The following TMEM38A variants were observed in gnomAD, a reference collection of about 807,000 sequenced individuals.
TMEM38A encodes the protein transmembrane protein 38A.
Under a neutral mutation model 28.6 loss-of-function variants are expected in TMEM38A, and 17 were observed. The ratio of observed to expected loss-of-function variants is 0.60; its 90% CI spans 0.41 to 0.89. TMEM38A has a LOEUF of 0.89. Among genes scored for constraint, TMEM38A ranks in the 40% least tolerant of loss-of-function variants. TMEM38A has a pLI of 0.00. For synonymous variants in TMEM38A, 169 were observed against 166.1 expected (o/e 1.02, Z -0.14); for missense variants, 328 against 393.1 (o/e 0.83, Z 1.40).
rs558221235 is a variant in TMEM38A, at chr19:16,673,205, C to G, written c.125-6779C>G. On this transcript the variant is annotated intron_variant, in intron 1 of 5. Transcript: ENST00000187762. The stretch of plus-strand genomic sequence containing the variant: ...CAAGCGATTCTCCTACCTCAGCCCC[C>G]TGAGTAGCTGGGATTACAGGCACCT... Among the ~76,000 whole-genome samples the G allele has an allele frequency of 1.6e-3, 250 of 152,284 alleles. 1 individual carries two copies. The highest frequency in any genetic ancestry group is 3.4e-3 in the Middle Eastern group (1 of 294).
chr19:16,678,740 G>T lies in TMEM38A; in HGVS notation c.125-1244G>T, dbSNP rs181102644. On this transcript the variant is annotated intron_variant, in intron 1 of 5. Transcript: ENST00000187762. The stretch of plus-strand genomic sequence containing the variant: ...TGATTGCACCACTGCGCTCCAGGCT[G>T]GGTGATGGGAGTGAAACCCTGTGTC... Among the ~76,000 whole-genome samples the T allele has an allele frequency of 2.7e-5, 4 of 146,300 alleles. No homozygotes were observed. The East Asian group carries it at 7.9e-4, about 29-fold the overall frequency.
At chr19:16,674,787 G>A (rs567157953) in intron 1 of TMEM38A, among the ~76,000 whole-genome samples, 61 of 151,828 alleles carry the variant, frequency 4.0e-4, no homozygotes, top group Non-Finnish European at 6.5e-4. Flanking sequence ...CAACAAGAGC[G>A]AAACACCGTC....
intron 1 of TMEM38A, among the ~76,000 whole-genome samples, chr19:16,678,951 C>T (rs2086765500): frequency 6.6e-6 from 1 of 151,244 alleles, no homozygotes. Context: ...GAGTTGGAGA[C>T]CAGCTTGGCC....
chr19:16,675,546 T>G (rs2086746839), intron 1 of TMEM38A, among the ~76,000 whole-genome samples: 1 of 130,926 alleles, frequency 7.6e-6, no homozygotes, highest in Admixed American at 7.6e-5. Flanking sequence ...TCTTGACTAT[T>G]TTTTTTTTTT....
chr19:16,670,276 GTTTTTTT>G (rs750785005), intron 1 of TMEM38A, among the ~76,000 whole-genome samples: 1 of 114,630 alleles, frequency 8.7e-6, no homozygotes, highest in African/African-American at 3.2e-5. Flanking sequence ...CCTGTTTTTT[GTTTTTTT>G]TTTTTTTTGA....
intron 4 of TMEM38A, among the ~76,000 whole-genome samples, chr19:16,685,416 A>T (rs1161490324): frequency 2.6e-5 from 4 of 152,120 alleles, no homozygotes; most frequent in Admixed American, 2.6e-4. Flanking sequence ...CAGGGGCAAA[A>T]TGTGCATGAG....
intron 1 of TMEM38A, among the ~76,000 whole-genome samples, chr19:16,665,683 C>T (rs915191434): frequency 5.9e-5 from 9 of 152,046 alleles, no homozygotes; most frequent in Admixed American, 5.9e-4. Context: ...AGAATTTTGT[C>T]AGGGATAAGG....
chr19:16,684,391 G>A (rs1240445066), intron 4 of TMEM38A, among the ~76,000 whole-genome samples: 10 of 151,710 alleles, frequency 6.6e-5, no homozygotes, highest in African/African-American at 2.4e-4. Flanking sequence ...GAGGCAGGAA[G>A]ATCGCTTGGT....
At chr19:16,680,322 A>G in intron 2 of TMEM38A, 75 bp from the exon 3 acceptor site, 1 of 1,565,668 alleles carries the variant, frequency 6.4e-7, no homozygotes, top group South Asian at 1.1e-5. Flanking sequence ...GGGTGGTCTG[A>G]TATAACCACA....
At chr19:16,674,110 C>T (rs755510691) in intron 1 of TMEM38A, among the ~76,000 whole-genome samples, 3 of 147,058 alleles carry the variant, frequency 2.0e-5, no homozygotes, top group Non-Finnish European at 3.0e-5. Context: ...CAGGGCCAGG[C>T]GCTGTGGTTC....
Position 16,689,446 on chromosome 19 carries a change from A to G in TMEM38A, c.*1075A>G, listed in dbSNP as rs548166904. 127 of 152,356 alleles carry G rather than the reference A, an allele frequency of 8.3e-4. No homozygotes were observed. The highest frequency in any genetic ancestry group is 2.9e-3 in the African/African-American group (121 of 41,580). 9.4% of individuals were successfully genotyped at this position (152,356 alleles called of 1,614,324 possible). ...GTTCCCTGGCACAAAGGAAGCCCTC[A>G]GTAGACACGTCTAGGGCAGGCTTGA... On this transcript the variant is annotated 3_prime_UTR_variant, in exon 6 of 6. Transcript: ENST00000187762.
chr19:16,680,194 G>C (rs970990114), intron 2 of TMEM38A, 54 bp downstream of exon 2: 1 of 1,587,120 alleles, frequency 6.3e-7, no homozygotes, highest in African/African-American at 1.3e-5. Context: ...ACAACAACCT[G>C]GGCACCAGGG....
intron 1 of TMEM38A, among the ~76,000 whole-genome samples, chr19:16,677,074 G>GA (rs398079759): frequency 0.025 from 2,686 of 109,034 alleles, 58 homozygotes; most frequent in African/African-American, 0.054. Flanking sequence ...TTTTTAAAAA[G>GA]AAAAAAAAAA....
chr19:16,664,977 A>G (rs1398582393), intron 1 of TMEM38A, among the ~76,000 whole-genome samples: 1 of 152,194 alleles, frequency 6.6e-6, no homozygotes, highest in Non-Finnish European at 1.5e-5. Context: ...CCTGGGCAAC[A>G]TTGTGAAACC....
rs2633337 is a variant in TMEM38A at position 16,688,682 on chromosome 19, G to C, written c.*311G>C. 1 allele frequency: 236,095 copies of C among 236,110 alleles called. 118,040 individuals are homozygous for C. Among genetic ancestry groups the C allele is most frequent in the Middle Eastern group, 1 (694 of 694 alleles). 14.6% of individuals were successfully genotyped at this position (236,110 alleles called of 1,614,324 possible). A position where few individuals can be genotyped will look rare whatever the true frequency, so the allele number is the denominator to read the frequency against. On this transcript the variant is annotated 3_prime_UTR_variant, in exon 6 of 6. Transcript: ENST00000187762. ...ACTGGTTGGCATGATATTCTTAGTT[G>C]TATTTTTCCTTCTTTAAAATTGCAT...
rs930417253 is a variant in TMEM38A, at chr19:16,689,516, T to G, written c.*1145T>G. ...GGCTTGTGATCTGTTCGTCTCAGGC[T>G]CCCCCTAAACCAAAGAAATGGAAAC... is the stretch of plus-strand genomic sequence containing the variant. On this transcript the variant is annotated 3_prime_UTR_variant, in exon 6 of 6. Coordinates refer to ENST00000187762, the MANE Select transcript of TMEM38A (RefSeq NM_024074.4). 6.6e-6 allele frequency: 1 copy of G among 152,074 alleles called. No individual in the cohort carries two copies. Among genetic ancestry groups the G allele is most frequent in the Non-Finnish European group, 1.5e-5 (1 of 68,048 alleles). The allele number at this position is 152,074 out of a possible 1,614,324, so 9.4% of individuals were successfully genotyped here.
At chr19:16,684,748 A>G (rs953993601) in intron 4 of TMEM38A, among the ~76,000 whole-genome samples, 4 of 151,940 alleles carry the variant, frequency 2.6e-5, no homozygotes, top group African/African-American at 9.7e-5. Context: ...GTGACAAGAT[A>G]TAGAATAAAA....
At chr19:16,678,517 T>C (rs1330311224) in intron 1 of TMEM38A, among the ~76,000 whole-genome samples, 1 of 151,588 alleles carries the variant, frequency 6.6e-6, no homozygotes, top group Admixed American at 6.6e-5. Context: ...CCCAACTCTT[T>C]GGGAAGCTGA....
chr19:16,672,558 C>T (rs929603248), intron 1 of TMEM38A, among the ~76,000 whole-genome samples: 1 of 146,898 alleles, frequency 6.8e-6, no homozygotes, highest in Middle Eastern at 3.5e-3. Context: ...AAGTGATTCT[C>T]ATGTCTCAGC....
Sources: gnomAD v4.1 joint callset for allele counts (sites outside exome capture counted in the v4.1 genomes callset) on GRCh38, gnomAD v4.1.1 for gene constraint, MANE v1.5 for transcripts, NCBI Gene and HGNC (gene_info 2026-07-23, HGNC 2026-07-21) for gene names.